The following C1orf105 variants were observed in gnomAD, a reference collection of about 807,000 sequenced individuals.
The protein encoded by C1orf105 is uncharacterized protein C1orf105.
C1orf105 carries 17 observed loss-of-function variants against 20.8 expected under a neutral mutation model. The ratio of observed to expected loss-of-function variants is 0.82; its 90% CI spans 0.56 to 1.23. The LOEUF (loss-of-function observed/expected upper bound fraction) is 1.23, where lower values mean the gene tolerates loss of function less well. Ranked by LOEUF, C1orf105 falls within the 50% of genes most tolerant of loss-of-function variation. C1orf105 has a pLI of 0.00. For synonymous variants in C1orf105, 72 were observed against 72.1 expected (o/e 1.00, Z 0.01); for missense variants, 219 against 213.5 (o/e 1.03, Z -0.16).
intron 3 of C1orf105, among the ~76,000 whole-genome samples, chr1:172,453,892 C>A (rs1648941515): frequency 6.6e-6 from 1 of 152,096 alleles, no homozygotes; most frequent in Admixed American, 6.6e-5. Context: ...GCTATCAAGG[C>A]CAGGTGGGAC....
chr1:172,453,683 TATA>T (rs1444416447), intron 3 of C1orf105, among the ~76,000 whole-genome samples: 1 of 152,202 alleles, frequency 6.6e-6, no homozygotes, highest in Non-Finnish European at 1.5e-5. Flanking sequence ...TGCTCTTAAA[TATA>T]ATAACTCTCA....
chr1:172,468,617 C>T lies in C1orf105; in HGVS notation c.*23C>T. On this transcript the variant is annotated 3_prime_UTR_variant, in exon 7 of 7. Transcript: ENST00000367727. ...TGAGCGGTAGGAGCTCATCACCTCC[C>T]AGACTCCCAGAGAGAAAATAACCTC... 6.2e-7 allele frequency: 1 copy of T among 1,606,480 alleles called. No homozygotes were observed. The highest frequency in any genetic ancestry group is 8.5e-7 in the Non-Finnish European group (1 of 1,175,440).
At chr1:172,456,646 A>G (rs1649283106) in intron 4 of C1orf105, among the ~76,000 whole-genome samples, 157 bp downstream of exon 4, 2 of 152,204 alleles carry the variant, frequency 1.3e-5, no homozygotes, top group South Asian at 4.1e-4. Flanking sequence ...TGGGAGCAGC[A>G]TCGACTGACA....
chr1:172,442,566 A>G, intron 1 of C1orf105: 1 of 1,614,082 alleles, frequency 6.2e-7, no homozygotes, highest in Non-Finnish European at 8.5e-7. Context: ...GCTGTCGCTC[A>G]TACAAGACCT....
At position 172,441,846 on chromosome 1, in the gene C1orf105, C is replaced by T. The variant is rs766714067; in HGVS notation, c.22-3227C>T. Reference sequence around the variant, plus strand: ...AGAATGGACACAGACATGAGATAGACATCAGCAGAAGGGCAAAGAGTACGG... The same window carrying T: ...AGAATGGACACAGACATGAGATAGATATCAGCAGAAGGGCAAAGAGTACGG... On this transcript the variant is annotated intron_variant, in intron 1 of 6. Transcript: ENST00000367727. 15 of 1,614,030 alleles carry T rather than the reference C, an allele frequency of 9.3e-6. No individual in the cohort carries two copies. The highest frequency in any genetic ancestry group is 8.3e-5 in the Admixed American group (5 of 59,998).
intron 5 of C1orf105, among the ~76,000 whole-genome samples, chr1:172,464,205 A>G (rs1482325453): frequency 6.6e-6 from 1 of 152,244 alleles, no homozygotes; most frequent in East Asian, 1.9e-4. Context: ...GAATAGACAG[A>G]GCTTAAACTA....
intron 3 of C1orf105, among the ~76,000 whole-genome samples, chr1:172,449,333 G>A (rs1462499670): frequency 6.6e-6 from 1 of 152,142 alleles, no homozygotes; most frequent in Non-Finnish European, 1.5e-5. Flanking sequence ...ATGCGTCTCA[G>A]AAACAGGGCA....
chr1:172,441,468 T>C (rs78627507), intron 1 of C1orf105: 306 of 307,366 alleles, frequency 1.0e-3, no homozygotes, highest in East Asian at 3.9e-3. Flanking sequence ...GGATGTGTTA[T>C]TTTTTTAATA....
At chr1:172,467,435 A>C (rs1422072441) in intron 6 of C1orf105, among the ~76,000 whole-genome samples, 1 of 152,224 alleles carries the variant, frequency 6.6e-6, no homozygotes, top group Non-Finnish European at 1.5e-5. Context: ...AGATTCCTTC[A>C]TGAATCTTTG....
At chr1:172,428,619 T>C (rs2071783292) in intron 1 of C1orf105, among the ~76,000 whole-genome samples, 1 of 152,204 alleles carries the variant, frequency 6.6e-6, no homozygotes, top group South Asian at 2.1e-4. Context: ...CTTCAAGTCT[T>C]TGGTAAAATG....
At chr1:172,468,065 G>A (rs1399682335) in intron 6 of C1orf105, among the ~76,000 whole-genome samples, 2 of 152,038 alleles carry the variant, frequency 1.3e-5, no homozygotes, top group African/African-American at 4.8e-5. Flanking sequence ...AAAGTCTCCT[G>A]AGAATTGAAT....
intron 1 of C1orf105, chr1:172,444,218 T>A (rs1242681554): frequency 2.3e-5 from 23 of 985,854 alleles, no homozygotes; most frequent in Non-Finnish European, 2.5e-5. Flanking sequence ...CCGAATGCTC[T>A]GAGCCTAGGA....
intron 4 of C1orf105, among the ~76,000 whole-genome samples, chr1:172,461,410 C>A (rs1279759638): frequency 1.3e-5 from 2 of 152,114 alleles, no homozygotes; most frequent in Non-Finnish European, 2.9e-5. Context: ...ACACCTGCAC[C>A]CACATCTTTG....
At chr1:172,447,608 G>A (rs1351172555) in intron 2 of C1orf105, among the ~76,000 whole-genome samples, 1 of 152,194 alleles carries the variant, frequency 6.6e-6, no homozygotes, top group African/African-American at 2.4e-5. Context: ...ACCATCTCTG[G>A]TCTTACAGGG....
chr1:172,426,480 T>C (rs1374872998), intron 1 of C1orf105, among the ~76,000 whole-genome samples: 1 of 152,156 alleles, frequency 6.6e-6, no homozygotes, highest in Non-Finnish European at 1.5e-5. Flanking sequence ...ATACTCCTGT[T>C]TTAATTCTTG....
rs138646148 is a variant in C1orf105 at position 172,458,445 on chromosome 1, A to G, written c.273+1956A>G. ...GAACAACCCAAAAATGAAGAAAACA[A>G]TGCCATTTGTAATAGCATCAAAAAT... On this transcript the variant is annotated intron_variant, in intron 4 of 6. Coordinates refer to ENST00000367727, the MANE Select transcript of C1orf105 (RefSeq NM_139240.4). 7.6e-4 allele frequency among the ~76,000 whole-genome samples: 116 copies of G among 152,320 alleles called. 1 individual carries two copies. In the Middle Eastern group the frequency reaches 0.014, roughly 18 times the overall value.
intron 3 of C1orf105, among the ~76,000 whole-genome samples, chr1:172,453,394 G>C (rs956642378): frequency 2.6e-5 from 4 of 152,202 alleles, no homozygotes; most frequent in African/African-American, 9.7e-5. Context: ...TGGGCGTCTA[G>C]CCAGTGTTCT....
intron 6 of C1orf105, among the ~76,000 whole-genome samples, chr1:172,467,689 T>C (rs1350992435): frequency 6.6e-6 from 1 of 152,182 alleles, no homozygotes; most frequent in Non-Finnish European, 1.5e-5. Flanking sequence ...TTTGTGATCC[T>C]GTAACGTCTC....
intron 2 of C1orf105, among the ~76,000 whole-genome samples, chr1:172,448,174 T>G (rs953411896): frequency 6.6e-6 from 1 of 152,224 alleles, no homozygotes; most frequent in Non-Finnish European, 1.5e-5. Context: ...ACACATCTAC[T>G]GTTGTGAACA....
Sources: gnomAD v4.1 joint callset for allele counts (sites outside exome capture counted in the v4.1 genomes callset) on GRCh38, gnomAD v4.1.1 for gene constraint, MANE v1.5 for transcripts, NCBI Gene and HGNC (gene_info 2026-07-23, HGNC 2026-07-21) for gene names.